DOCK10: variants seen among roughly 807,000 people sequenced by gnomAD.
The protein encoded by DOCK10 is dedicator of cytokinesis protein 10.
Under a neutral mutation model 280.1 loss-of-function variants are expected in DOCK10, and 145 were observed. The ratio of observed to expected loss-of-function variants is 0.52; its 90% CI spans 0.45 to 0.59. The LOEUF is 0.59. Ranked by LOEUF, DOCK10 falls within the 20% of genes least tolerant of loss-of-function variation. The pLI, the probability that DOCK10 is intolerant of heterozygous loss-of-function variation, is 0.00. For missense variants in DOCK10, 2,368 were observed against 2,651.7 expected, an observed-to-expected ratio of 0.89 and a Z score of 2.35; for synonymous variants, 915 against 942.2, an observed-to-expected ratio of 0.97 and a Z score of 0.53.
At chr2:225,024,541 A>G (rs569930861) in intron 1 of DOCK10, among the ~76,000 whole-genome samples, 1 of 152,316 alleles carries the variant, frequency 6.6e-6, no homozygotes, top group South Asian at 2.1e-4. Context: ...CAATTGTTTT[A>G]CAAATATGAA....
intron 51 of DOCK10, among the ~76,000 whole-genome samples, chr2:224,775,867 A>G (rs1374576140): frequency 6.6e-6 from 1 of 152,240 alleles, no homozygotes; most frequent in Admixed American, 6.5e-5. Context: ...ATCTAGACTG[A>G]GGCCACTGGC....
chr2:225,016,680 C>T lies in DOCK10; in HGVS notation c.123+25572G>A, dbSNP rs1282555073. Reference sequence around the variant, plus strand: ...ACATAGATACATATATCTATGTGCACATAGATATATGTGTATATATATAGA... The same window carrying T: ...ACATAGATACATATATCTATGTGCATATAGATATATGTGTATATATATAGA... On this transcript the variant is annotated intron_variant, in intron 1 of 55. Coordinates refer to ENST00000258390, the MANE Select transcript of DOCK10 (RefSeq NM_014689.3). Among the ~76,000 whole-genome samples, 2 of 119,090 alleles carry T rather than the reference C, an allele frequency of 1.7e-5. 1 individual carries two copies. The highest frequency in any genetic ancestry group is 6.1e-5 in the African/African-American group (2 of 32,896). The allele number at this position is 119,090 out of a possible 152,430, so 78.1% of individuals were successfully genotyped here.
chr2:225,027,641 G>T (rs1271849193), intron 1 of DOCK10, among the ~76,000 whole-genome samples: 1 of 152,032 alleles, frequency 6.6e-6, no homozygotes, highest in Non-Finnish European at 1.5e-5. Flanking sequence ...CTCCTGCCAT[G>T]TAAGACGCCC....
chr2:224,882,845 C>T (rs1397024929), intron 7 of DOCK10, among the ~76,000 whole-genome samples: 1 of 152,170 alleles, frequency 6.6e-6, no homozygotes, highest in Non-Finnish European at 1.5e-5. Context: ...TAAACTGGCA[C>T]TATTTCACTC....
intron 30 of DOCK10, among the ~76,000 whole-genome samples, chr2:224,814,948 A>G (rs1694028596): frequency 6.6e-6 from 1 of 152,202 alleles, no homozygotes; most frequent in South Asian, 2.1e-4. Flanking sequence ...CATTATTTAT[A>G]GTATCAGATC....
chr2:224,985,624 A>G (rs991446724), intron 1 of DOCK10, among the ~76,000 whole-genome samples: 1 of 125,632 alleles, frequency 8.0e-6, no homozygotes, highest in Admixed American at 7.4e-5. Context: ...AAAGGAGGTT[A>G]AGGAGGAAAA....
intron 29 of DOCK10, among the ~76,000 whole-genome samples, chr2:224,818,059 G>A (rs1394302984): frequency 6.6e-6 from 1 of 152,208 alleles, no homozygotes; most frequent in African/African-American, 2.4e-5. Context: ...CTCTATGGAA[G>A]GTGAATCTGA....
intron 25 of DOCK10, among the ~76,000 whole-genome samples, chr2:224,835,745 C>T (rs11675790): frequency 0.3 from 45,314 of 152,000 alleles, 8,013 homozygotes; most frequent in African/African-American, 0.49. Flanking sequence ...GAGTAAAATG[C>T]GAGTTGATTA....
At chr2:225,012,315 A>G (rs1689466437) in intron 1 of DOCK10, among the ~76,000 whole-genome samples, 1 of 152,192 alleles carries the variant, frequency 6.6e-6, no homozygotes, top group Non-Finnish European at 1.5e-5. Flanking sequence ...AGCTGAACGT[A>G]CCCTGAATTA....
chr2:224,770,256 G>T lies in DOCK10; in HGVS notation c.6399C>A (p.His2133Gln). 2 of 1,604,504 alleles carry T rather than the reference G, an allele frequency of 1.2e-6. No individual in the cohort carries two copies. Among genetic ancestry groups the T allele is most frequent in the Non-Finnish European group, 1.7e-6 (2 of 1,175,444 alleles). The change falls in exon 55 of 56, where the codon CAC becomes CAA. Residue 2133 changes from histidine to glutamine, a missense_variant. Around this residue, in one of 2 missense-constraint regions of DOCK10, gnomAD observed 1,159 missense variants for 1,400.8 expected, o/e 0.83. Transcript: ENST00000258390. This position sits in a 1 kb window ranked among gnomAD's most constrained non-coding sequence, Gnocchi z 4.5. ...QLEYQEELRS[H>Q]YKDMLSELST... ...AGAGTTCGCTGAGCATGTCCTTGTA[G>T]TGGGACCTCAGTTCTTCCTGGTACT...
intron 24 of DOCK10, 55 bp downstream of exon 24, chr2:224,839,899 G>A (rs1320164108): frequency 4.1e-6 from 3 of 736,214 alleles, no homozygotes; most frequent in East Asian, 2.8e-5. Context: ...ATAATTAAGA[G>A]TTTATGTAAC....
chr2:224,798,875 C>T (rs1450566491), intron 41 of DOCK10, among the ~76,000 whole-genome samples: 4 of 152,212 alleles, frequency 2.6e-5, no homozygotes, highest in Non-Finnish European at 4.4e-5. Flanking sequence ...CTCAAGTGAT[C>T]CTCCCTCCTT....
intron 4 of DOCK10, chr2:224,893,771 G>A: frequency 3.1e-6 from 1 of 327,402 alleles, no homozygotes. Flanking sequence ...TGCAGTCTCA[G>A]CAACTCATAA....
chr2:224,838,038 G>A (rs541017186), intron 24 of DOCK10, among the ~76,000 whole-genome samples: 35 of 152,244 alleles, frequency 2.3e-4, no homozygotes, highest in Non-Finnish European at 4.0e-4. Flanking sequence ...CATTTCCATC[G>A]ATTAGCCATT....
Position 225,013,805 on chromosome 2 carries a change from C to G in DOCK10, c.123+28447G>C, listed in dbSNP as rs146435733. Among the ~76,000 whole-genome samples the G allele has an allele frequency of 4.2e-3, 632 of 152,202 alleles. 7 individuals carry two copies. Among genetic ancestry groups the G allele is most frequent in the African/African-American group, 0.014 (596 of 41,542 alleles). On this transcript the variant is annotated intron_variant, in intron 1 of 55. Coordinates refer to ENST00000258390, the MANE Select transcript of DOCK10 (RefSeq NM_014689.3). ...CAGTTCAACCACCAGCTCTGCAAGG[C>G]TATTGGCAGTGTCATAGAATTGACA...
chr2:225,017,236 T>C (rs1364107292), intron 1 of DOCK10, among the ~76,000 whole-genome samples: 1 of 152,140 alleles, frequency 6.6e-6, no homozygotes, highest in Non-Finnish European at 1.5e-5. Flanking sequence ...CAGGTCAAAG[T>C]TATGTATTAC....
At chr2:224,903,718 T>C (rs1275343516) in intron 3 of DOCK10, among the ~76,000 whole-genome samples, 2 of 152,194 alleles carry the variant, frequency 1.3e-5, no homozygotes, top group African/African-American at 2.4e-5. Flanking sequence ...AAAAATGGGT[T>C]CTTTTTTATT....
intron 1 of DOCK10, among the ~76,000 whole-genome samples, chr2:224,954,199 A>AATTC (rs1473060092): frequency 6.6e-6 from 1 of 152,154 alleles, no homozygotes; most frequent in Non-Finnish European, 1.5e-5. Flanking sequence ...GTAGGTAAGA[A>AATTC]ATTCATTTCT....
chr2:224,851,411 G>A (rs776251415), intron 18 of DOCK10, among the ~76,000 whole-genome samples: 1 of 149,608 alleles, frequency 6.7e-6, no homozygotes, highest in African/African-American at 2.5e-5. Flanking sequence ...TTTTGGAGTT[G>A]GGTGCCAGTG....
Sources: gnomAD v4.1 joint callset for allele counts (sites outside exome capture counted in the v4.1 genomes callset) on GRCh38, gnomAD v4.1.1 for gene constraint, gnomAD v4.1.1 regional missense constraint, Gnocchi (gnomAD v3.1) non-coding constraint, MANE v1.5 for transcripts, NCBI Gene and HGNC (gene_info 2026-07-23, HGNC 2026-07-21) for gene names.